The following PTPRG variants were observed in gnomAD, a reference collection of about 807,000 sequenced individuals.
PTPRG encodes protein tyrosine phosphatase receptor type G, also known as receptor-type tyrosine-protein phosphatase gamma.
Under a neutral mutation model 165.3 loss-of-function variants are expected in PTPRG, and 102 were observed. The observed-to-expected ratio is 0.62, with a 90% CI of 0.53 to 0.73. PTPRG has a LOEUF of 0.73. Ranked by LOEUF, PTPRG falls within the 30% of genes least tolerant of loss-of-function variation. PTPRG has a pLI of 0.00. For synonymous variants in PTPRG, 675 were observed against 669.5 expected, an observed-to-expected ratio of 1.01 and a Z score of -0.13; for missense variants, 1,866 against 1,861.4, an observed-to-expected ratio of 1.00 and a Z score of -0.05.
chr3:62,235,263 G>A (rs898591116), intron 14 of PTPRG, among the ~76,000 whole-genome samples: 1 of 152,164 alleles, frequency 6.6e-6, no homozygotes, highest in Admixed American at 6.5e-5. Flanking sequence ...AAATGAGGTG[G>A]AGAGCCCCTC....
intron 2 of PTPRG, among the ~76,000 whole-genome samples, chr3:61,877,159 C>T (rs2037764139): frequency 6.6e-6 from 1 of 152,138 alleles, no homozygotes; most frequent in Non-Finnish European, 1.5e-5. Context: ...GAATATTTTG[C>T]ATTTTAATTT....
intron 2 of PTPRG, among the ~76,000 whole-genome samples, chr3:61,854,922 AT>A (rs63727460): frequency 0.16 from 23,906 of 152,068 alleles, 1,885 homozygotes; most frequent in Middle Eastern, 0.19. Context: ...ATGTTTTAGC[AT>A]TTTTTTCTTT....
At chr3:61,932,757 T>G (rs2039391842) in intron 2 of PTPRG, among the ~76,000 whole-genome samples, 1 of 152,064 alleles carries the variant, frequency 6.6e-6, no homozygotes, top group Non-Finnish European at 1.5e-5. Flanking sequence ...ACCACCAAAA[T>G]CTTGGTCAGA....
rs1701060147 is a variant in PTPRG at position 62,237,467 on chromosome 3, T to C, written c.2375+6156T>C. Among the ~76,000 whole-genome samples the C allele has an allele frequency of 6.6e-6, 1 of 152,158 alleles. No homozygotes were observed. Among genetic ancestry groups the C allele is most frequent in the Admixed American group, 6.5e-5 (1 of 15,274 alleles). ...GAACCTGTCATGTGCTGGCAGTGTATATTTTTCAGCAGGGAGCTCAGGGAC... is the reference window on the plus strand; with the variant it reads ...GAACCTGTCATGTGCTGGCAGTGTACATTTTTCAGCAGGGAGCTCAGGGAC... On this transcript the variant is annotated intron_variant, in intron 14 of 29. Coordinates refer to ENST00000474889, the MANE Select transcript of PTPRG (RefSeq NM_002841.4). This position sits in a 1 kb window ranked among gnomAD's most constrained non-coding sequence, Gnocchi z 4.5.
At chr3:62,123,924 G>C (rs936608561) in intron 5 of PTPRG, among the ~76,000 whole-genome samples, 1 of 151,980 alleles carries the variant, frequency 6.6e-6, no homozygotes, top group Non-Finnish European at 1.5e-5. Context: ...TAACGTTTTC[G>C]CTCCCCATGG....
chr3:61,845,231 A>G (rs934710878), intron 2 of PTPRG, among the ~76,000 whole-genome samples: 2 of 152,192 alleles, frequency 1.3e-5, no homozygotes, highest in Admixed American at 6.5e-5. Flanking sequence ...TGCTTGGTGA[A>G]TGAACTGTCA....
chr3:62,205,500 T>C (rs971646216), intron 12 of PTPRG, among the ~76,000 whole-genome samples: 1 of 152,322 alleles, frequency 6.6e-6, no homozygotes. Context: ...TACCCTTAAG[T>C]AGCCTTAATT....
intron 1 of PTPRG, among the ~76,000 whole-genome samples, chr3:61,705,230 G>C (rs1426424933): frequency 6.6e-6 from 1 of 152,206 alleles, no homozygotes; most frequent in African/African-American, 2.4e-5. Flanking sequence ...GAAGATGCCT[G>C]CGCTGGGTGT....
At chr3:62,098,055 C>T (rs1702174619) in intron 5 of PTPRG, among the ~76,000 whole-genome samples, 1 of 152,030 alleles carries the variant, frequency 6.6e-6, no homozygotes, top group Non-Finnish European at 1.5e-5. Flanking sequence ...GAATACTAAG[C>T]TTTAGAATGA....
chr3:62,207,685 G>T (rs1210821150), intron 12 of PTPRG, among the ~76,000 whole-genome samples: 1 of 152,152 alleles, frequency 6.6e-6, no homozygotes, highest in Non-Finnish European at 1.5e-5. Flanking sequence ...CAAACAGCTT[G>T]TTTAAATCCC....
intron 4 of PTPRG, among the ~76,000 whole-genome samples, chr3:62,056,439 A>C (rs1326670441): frequency 6.6e-6 from 1 of 152,006 alleles, no homozygotes; most frequent in African/African-American, 2.4e-5. Context: ...TAAGCACATC[A>C]TTAGTGTTAG....
intron 4 of PTPRG, among the ~76,000 whole-genome samples, chr3:62,017,793 A>G (rs909960546): frequency 2.0e-5 from 3 of 152,130 alleles, no homozygotes; most frequent in African/African-American, 7.2e-5. Context: ...TTACATCCAC[A>G]TATCAAGACA....
At chr3:61,756,128 G>A (rs1182405559) in intron 2 of PTPRG, among the ~76,000 whole-genome samples, 2 of 152,306 alleles carry the variant, frequency 1.3e-5, no homozygotes, top group Admixed American at 1.3e-4. Context: ...GGAGTGGTGG[G>A]TTGGTTGAAA....
chr3:62,015,387 C>A lies in PTPRG; in HGVS notation c.519+11890C>A, dbSNP rs567282870. On this transcript the variant is annotated intron_variant, in intron 4 of 29. Coordinates refer to ENST00000474889, the MANE Select transcript of PTPRG (RefSeq NM_002841.4). The stretch of plus-strand genomic sequence containing the variant: ...GTGTGATGGTGTGAGGTCTTGGAGA[C>A]CATGGGAAGCTCTGTGGCTTTTACT... Among the ~76,000 whole-genome samples the A allele has an allele frequency of 1.3e-4, 20 of 152,278 alleles. No individual in the cohort carries two copies. The South Asian group carries it at 3.1e-3, about 24-fold the overall frequency.
rs1386237687 is a variant in PTPRG at position 62,233,242 on chromosome 3, G to T, written c.2375+1931G>T. Among the ~76,000 whole-genome samples, 2 of 152,100 alleles carry T rather than the reference G, an allele frequency of 1.3e-5. No individual in the cohort carries two copies. Among genetic ancestry groups the T allele is most frequent in the African/African-American group, 4.8e-5 (2 of 41,404 alleles). ...GCTATGCTAAGTACTCCATGAAAAC[G>T]ATATGGGCCAGATACAGATCCTGTC... is the stretch of plus-strand genomic sequence containing the variant. On this transcript the variant is annotated intron_variant, in intron 14 of 29. Coordinates refer to ENST00000474889, the MANE Select transcript of PTPRG (RefSeq NM_002841.4). The surrounding 1 kb of genome is among the most constrained non-coding windows in gnomAD (Gnocchi z 4.7).
chr3:61,902,123 C>T (rs1414299975), intron 2 of PTPRG, among the ~76,000 whole-genome samples: 1 of 152,196 alleles, frequency 6.6e-6, no homozygotes, highest in Non-Finnish European at 1.5e-5. Context: ...GTCCTTCTCA[C>T]CATGGGGTGT....
chr3:61,668,827 C>T (rs2107057988), intron 1 of PTPRG, among the ~76,000 whole-genome samples: 1 of 152,210 alleles, frequency 6.6e-6, no homozygotes, highest in African/African-American at 2.4e-5. Flanking sequence ...AAGTATGTTA[C>T]ACTAAGGCTG....
At position 62,233,893 on chromosome 3, in the gene PTPRG, T is replaced by G. The variant is rs1220241669; in HGVS notation, c.2375+2582T>G. ...ATTTAAGTTTTGAGTAAGTAATACTTGACATGATTCAAAATAAAAAAGTTT... is the reference window on the plus strand; with the variant it reads ...ATTTAAGTTTTGAGTAAGTAATACTGGACATGATTCAAAATAAAAAAGTTT... On this transcript the variant is annotated intron_variant, in intron 14 of 29. Coordinates refer to ENST00000474889, the MANE Select transcript of PTPRG (RefSeq NM_002841.4). This position sits in a 1 kb window ranked among gnomAD's most constrained non-coding sequence, Gnocchi z 4.7. 6.6e-6 allele frequency among the ~76,000 whole-genome samples: 1 copy of G among 152,186 alleles called. No homozygotes were observed. The highest frequency in any genetic ancestry group is 1.9e-4 in the East Asian group (1 of 5,194).
At chr3:61,768,864 C>T (rs1414079454) in intron 2 of PTPRG, among the ~76,000 whole-genome samples, 1 of 152,074 alleles carries the variant, frequency 6.6e-6, no homozygotes, top group Non-Finnish European at 1.5e-5. Context: ...ATGATTTCCC[C>T]ACAGCTTTAT....
Sources: gnomAD v4.1 joint callset for allele counts (sites outside exome capture counted in the v4.1 genomes callset) on GRCh38, gnomAD v4.1.1 for gene constraint, Gnocchi (gnomAD v3.1) non-coding constraint, MANE v1.5 for transcripts, NCBI Gene and HGNC (gene_info 2026-07-23, HGNC 2026-07-21) for gene names.